TC2N: variants seen among roughly 807,000 people sequenced by gnomAD.
The protein encoded by TC2N is tandem C2 domains, nuclear.
In TC2N, 51 loss-of-function variants were observed where a neutral mutation model predicts 61.9. The observed-to-expected ratio is 0.82, with a 90% CI of 0.66 to 1.04. TC2N has a LOEUF of 1.04. Among genes scored for constraint, TC2N ranks in the 50% least tolerant of loss-of-function variants. The pLI, the probability that TC2N is intolerant of heterozygous loss-of-function variation, is 0.00. For missense variants in TC2N, 556 were observed against 566.7 expected (o/e 0.98, Z 0.19); for synonymous variants, 204 against 192.6 (o/e 1.06, Z -0.49).
intron 3 of TC2N, among the ~76,000 whole-genome samples, chr14:91,802,835 G>A (rs1422326034): frequency 6.6e-6 from 1 of 150,492 alleles, no homozygotes; most frequent in Non-Finnish European, 1.5e-5. Context: ...CTCAAATTTG[G>A]AAGGACTGAA....
intron 1 of TC2N, among the ~76,000 whole-genome samples, chr14:91,817,112 T>C (rs956929418): frequency 6.6e-6 from 1 of 151,982 alleles, no homozygotes; most frequent in Non-Finnish European, 1.5e-5. Flanking sequence ...AACTGACATC[T>C]CTAAGAATAT....
rs547925611 is a variant in TC2N at position 91,820,396 on chromosome 14, C to G, written c.-56-6571G>C. On this transcript the variant is annotated intron_variant, in intron 1 of 11. Transcript: ENST00000435962. The stretch of plus-strand genomic sequence containing the variant: ...AACTATAGGATAATCTCAATAGATA[C>G]AAAAATTTGACAAAATCCAATATTC... Among the ~76,000 whole-genome samples the G allele has an allele frequency of 2.6e-5, 4 of 151,708 alleles. No homozygotes were observed. In the South Asian group the frequency reaches 8.3e-4, roughly 32 times the overall value.
At chr14:91,813,582 T>G in intron 2 of TC2N, 121 bp downstream of exon 2, 3 of 646,204 alleles carry the variant, frequency 4.6e-6, no homozygotes, top group Non-Finnish European at 8.3e-6. Flanking sequence ...ATTTACTTAG[T>G]GTGCCTTATG....
intron 1 of TC2N, among the ~76,000 whole-genome samples, chr14:91,818,599 A>G (rs1006745524): frequency 1.3e-5 from 2 of 152,182 alleles, no homozygotes; most frequent in African/African-American, 4.8e-5. Context: ...GAAACAACCT[A>G]AAATTGAGAC....
At chr14:91,865,069 C>A (rs868528663) in intron 1 of TC2N, among the ~76,000 whole-genome samples, 2 of 151,602 alleles carry the variant, frequency 1.3e-5, no homozygotes, top group African/African-American at 2.4e-5. Flanking sequence ...CTGTGCCCAG[C>A]CCCCTGCCTT....
intron 1 of TC2N, among the ~76,000 whole-genome samples, chr14:91,847,439 G>A (rs1230084953): frequency 6.6e-6 from 1 of 152,138 alleles, no homozygotes; most frequent in Non-Finnish European, 1.5e-5. Flanking sequence ...GCCAATGCTA[G>A]GTCAGATAAG....
chr14:91,796,074 T>C (rs1160399167), intron 8 of TC2N, among the ~76,000 whole-genome samples: 1 of 151,966 alleles, frequency 6.6e-6, no homozygotes, highest in Non-Finnish European at 1.5e-5. Flanking sequence ...TATGGGAACA[T>C]TTTTCCTAAC....
Position 91,812,480 on chromosome 14 carries a change from G to C in TC2N, c.133C>G (p.Pro45Ala). The change falls in exon 3 of 12, where the codon CCA (proline) becomes GCA (alanine). Residue 45 changes from proline to alanine, a missense_variant. Physicochemically the swap from Pro to Ala is conservative, Grantham distance 27. Coordinates refer to ENST00000435962, the MANE Select transcript of TC2N (RefSeq NM_001128596.3). ...GGCTTTACAGAAACAGAAGTCAATG[G>C]AGGTACAGAGATAGTAGCATTTTGA... ...NSQNATISVP[P>A]LTSVSVKPQL... is the part of the protein sequence containing the mutation. The C allele has an allele frequency of 6.2e-7, 1 of 1,611,976 alleles. No homozygotes were observed. Among genetic ancestry groups the C allele is most frequent in the South Asian group, 1.1e-5 (1 of 90,910 alleles).
intron 10 of TC2N, among the ~76,000 whole-genome samples, chr14:91,786,169 C>A (rs1252172956): frequency 1.3e-5 from 2 of 152,166 alleles, no homozygotes; most frequent in African/African-American, 2.4e-5. Context: ...TTGTGGTCAT[C>A]CTGATAAGCT....
chr14:91,807,441 C>T (rs1030490170), intron 3 of TC2N, among the ~76,000 whole-genome samples: 36 of 152,280 alleles, frequency 2.4e-4, no homozygotes, highest in Admixed American at 9.2e-4. Flanking sequence ...TGGAGCTGCC[C>T]AAGACCATGG....
chr14:91,857,714 A>G (rs1595279673), intron 1 of TC2N, among the ~76,000 whole-genome samples: 1 of 152,204 alleles, frequency 6.6e-6, no homozygotes, highest in East Asian at 1.9e-4. Context: ...TCCTTCCACT[A>G]TTGGCAACAG....
chr14:91,800,838 G>A (rs1886195719), intron 4 of TC2N, among the ~76,000 whole-genome samples: 1 of 151,930 alleles, frequency 6.6e-6, no homozygotes, highest in Non-Finnish European at 1.5e-5. Context: ...AACTTTGTAT[G>A]CCAATTGTAT....
intron 1 of TC2N, among the ~76,000 whole-genome samples, chr14:91,821,064 A>G (rs1887228849): frequency 6.6e-6 from 1 of 152,020 alleles, no homozygotes; most frequent in Non-Finnish European, 1.5e-5. Context: ...AAATTGATCT[A>G]CAGATTCAAC....
chr14:91,816,512 G>A (rs995050376), intron 1 of TC2N, among the ~76,000 whole-genome samples: 1 of 151,762 alleles, frequency 6.6e-6, no homozygotes, highest in African/African-American at 2.4e-5. Context: ...AGATATTTGA[G>A]AGATTAACAC....
In TC2N at chr14:91,792,506, T is replaced by G; in HGVS notation, c.908A>C (p.Gln303Pro). 3.8e-6 allele frequency: 6 copies of G among 1,599,248 alleles called. No individual in the cohort carries two copies. Among genetic ancestry groups the G allele is most frequent in the Non-Finnish European group, 5.1e-6 (6 of 1,171,216 alleles). The stretch of plus-strand genomic sequence containing the variant: ...AATCTTAAATACAAGTCTTACAGTT[T>G]GTAGATTTTGAAGTTTAATAGCAAA... ...FVFAIKLQNL[Q>P]TVRLVFKIQT... The change falls in exon 9 of 12, where the codon CAA becomes CCA. Residue 303 changes from glutamine to proline, a missense_variant. Transcript: ENST00000435962.
At chr14:91,812,084 AT>A (rs937504496) in intron 3 of TC2N, 5 of 253,420 alleles carry the variant, frequency 2.0e-5, no homozygotes, top group Non-Finnish European at 3.7e-5. Context: ...ATTACATATT[AT>A]TTCTTGAAAA....
intron 1 of TC2N, among the ~76,000 whole-genome samples, chr14:91,831,402 GA>G (rs961426092): frequency 1.7e-4 from 26 of 151,934 alleles, no homozygotes; most frequent in African/African-American, 5.8e-4. Context: ...TTTTTAAAAA[GA>G]AAAAAATTAA....
intron 1 of TC2N, among the ~76,000 whole-genome samples, chr14:91,844,991 T>A (rs565102137): frequency 5.1e-4 from 77 of 151,684 alleles, no homozygotes; most frequent in Middle Eastern, 3.4e-3. Flanking sequence ...TCCCAGCACT[T>A]TGGGAGGCTG....
rs1323474260 is a variant in TC2N at position 91,780,815 on chromosome 14, G to T, written c.*2285C>A. ...TATGCATACCTATTAGCAGGAGATTGGATTTTTATTTATAGGTCCACATAA... is the reference window on the plus strand; with the variant it reads ...TATGCATACCTATTAGCAGGAGATTTGATTTTTATTTATAGGTCCACATAA... On this transcript the variant is annotated 3_prime_UTR_variant, in exon 12 of 12. Transcript: ENST00000435962. The T allele has an allele frequency of 6.6e-6, 1 of 152,054 alleles. No homozygotes were observed. The highest frequency in any genetic ancestry group is 1.5e-5 in the Non-Finnish European group (1 of 67,996). 9.4% of individuals were successfully genotyped at this position (152,054 alleles called of 1,614,324 possible). A position where few individuals can be genotyped will look rare whatever the true frequency, so the allele number is the denominator to read the frequency against.
Sources: allele counts gnomAD v4.1 joint callset (sites outside exome capture counted in the v4.1 genomes callset), GRCh38; gene constraint gnomAD v4.1.1; transcripts MANE v1.5; gene names NCBI Gene and HGNC (gene_info 2026-07-23, HGNC 2026-07-21).